The following SHISA9 variants were observed in gnomAD, a reference collection of about 807,000 sequenced individuals.
SHISA9 encodes the protein protein shisa-9.
A neutral mutation model predicts 38.0 loss-of-function variants in SHISA9; 13 were observed. The observed-to-expected ratio is 0.34, with a 90% CI of 0.22 to 0.54. The LOEUF is 0.54. Ranked by LOEUF, SHISA9 falls within the 20% of genes least tolerant of loss-of-function variation. The pLI is 0.91. For synonymous variants in SHISA9, 275 were observed against 242.0 expected (o/e 1.14, Z -1.27); for missense variants, 538 against 575.8 (o/e 0.93, Z 0.67).
At chr16:13,073,357 A>G (rs2073541565) in intron 2 of SHISA9, among the ~76,000 whole-genome samples, 1 of 151,972 alleles carries the variant, frequency 6.6e-6, no homozygotes, top group African/African-American at 2.4e-5. Flanking sequence ...GCCATCTTTC[A>G]CAGTTCTGTT....
chr16:13,464,251 C>T, the SHISA9 span, among the ~76,000 whole-genome samples: 3 of 152,156 alleles, frequency 2.0e-5, no homozygotes, highest in African/African-American at 7.2e-5. Flanking sequence ...GAATAATCAC[C>T]TCATCTGCAG....
chr16:13,249,347 C>A, the SHISA9 span, among the ~76,000 whole-genome samples: 2 of 152,182 alleles, frequency 1.3e-5, no homozygotes, highest in African/African-American at 4.8e-5. Context: ...TAGCCCATGT[C>A]ATTTTGGGCA....
the SHISA9 span, among the ~76,000 whole-genome samples, chr16:13,286,531 TATAAC>T: frequency 1.3e-5 from 2 of 152,002 alleles, no homozygotes; most frequent in African/African-American, 4.8e-5. Context: ...CTGGGCAAAA[TATAAC>T]AGCCAGTTTG....
intron 2 of SHISA9, among the ~76,000 whole-genome samples, chr16:13,095,307 G>C (rs1444254268): frequency 6.6e-6 from 1 of 152,240 alleles, no homozygotes; most frequent in Non-Finnish European, 1.5e-5. Context: ...CTCAGCTGAG[G>C]ATGCTGGGGA....
chr16:13,240,787 T>C (rs1860601836), downstream of SHISA9, among the ~76,000 whole-genome samples: 1 of 152,210 alleles, frequency 6.6e-6, no homozygotes, highest in African/African-American at 2.4e-5. Context: ...ATTGAAAGGA[T>C]GGAAGATTCG....
chr16:13,482,188 A>G, the SHISA9 span, among the ~76,000 whole-genome samples: 1 of 152,246 alleles, frequency 6.6e-6, no homozygotes, highest in Non-Finnish European at 1.5e-5. Flanking sequence ...AGAAGAGGGT[A>G]AAATGCAGTC....
At chr16:13,318,015 C>T in the SHISA9 span, among the ~76,000 whole-genome samples, 484 of 133,896 alleles carry the variant, frequency 3.6e-3, 4 homozygotes, top group Non-Finnish European at 6.4e-3. Flanking sequence ...TTTTTTTGAT[C>T]CACTATGTAC....
Position 13,075,190 on chromosome 16 carries a change from C to T in SHISA9, c.692-128204C>T, listed in dbSNP as rs143936335. On this transcript the variant is annotated intron_variant, in intron 2 of 4. Coordinates refer to ENST00000558583, the MANE Select transcript of SHISA9 (RefSeq NM_001145204.3). ...CCCAACTCCCATCTGGGAGGTAGGA[C>T]CACTGTGGAAGCAGAGCAGGGACAT... Among the ~76,000 whole-genome samples, 1,141 of 152,276 alleles carry T rather than the reference C, an allele frequency of 7.5e-3. 3 individuals are homozygous for T. The highest frequency in any genetic ancestry group is 0.02 in the Middle Eastern group (6 of 294).
chr16:13,011,081 C>T (rs1001970179), intron 2 of SHISA9, among the ~76,000 whole-genome samples: 3 of 152,154 alleles, frequency 2.0e-5, no homozygotes, highest in Non-Finnish European at 4.4e-5. Context: ...CAGCAGTGAA[C>T]CAGAGAGACT....
the SHISA9 span, among the ~76,000 whole-genome samples, chr16:13,328,523 C>T: frequency 2.0e-5 from 3 of 150,760 alleles, no homozygotes; most frequent in African/African-American, 7.3e-5. Context: ...AATGATTCTC[C>T]TGCCTCAGCC....
chr16:13,447,854 G>GA, the SHISA9 span, among the ~76,000 whole-genome samples: 1 of 152,206 alleles, frequency 6.6e-6, no homozygotes, highest in African/African-American at 2.4e-5. Flanking sequence ...AAGGTCTTCT[G>GA]AAAAAAATGC....
chr16:13,090,471 T>A (rs1003319014), intron 2 of SHISA9, among the ~76,000 whole-genome samples: 21 of 152,238 alleles, frequency 1.4e-4, no homozygotes, highest in Non-Finnish European at 2.9e-4. Flanking sequence ...ACTTGCTTTA[T>A]GAATCTGGGT....
At chr16:13,069,092 A>ATG (rs199838928) in intron 2 of SHISA9, among the ~76,000 whole-genome samples, 37 of 150,078 alleles carry the variant, frequency 2.5e-4, no homozygotes, top group Non-Finnish European at 4.4e-4. Flanking sequence ...TGCAATGTGT[A>ATG]TGTGTGTGTA....
At chr16:13,108,852 C>T (rs1265968406) in intron 2 of SHISA9, among the ~76,000 whole-genome samples, 2 of 151,964 alleles carry the variant, frequency 1.3e-5, no homozygotes, top group East Asian at 1.9e-4. Context: ...GTACAGTATC[C>T]CTAGGTATGG....
intron 2 of SHISA9, among the ~76,000 whole-genome samples, chr16:13,178,003 C>T (rs933204955): frequency 2.6e-5 from 4 of 152,132 alleles, no homozygotes; most frequent in Non-Finnish European, 4.4e-5. Context: ...GTTCCAGTCC[C>T]TGGAATGATG....
rs140278698 is a variant in SHISA9, at chr16:12,908,462, C to T, written c.563+5835C>T. ...GTAAATTCTCGTTTAATTTCATACC[C>T]TTCCCCCATGAGGTAGGCTCTATGA... On this transcript the variant is annotated intron_variant, in intron 1 of 4. Coordinates refer to ENST00000558583, the MANE Select transcript of SHISA9 (RefSeq NM_001145204.3). 49 of 1,551,834 alleles carry T rather than the reference C, an allele frequency of 3.2e-5. No individual in the cohort carries two copies. The African/African-American group carries it at 4.8e-4, about 15-fold the overall frequency.
the SHISA9 span, among the ~76,000 whole-genome samples, chr16:13,335,457 T>C: frequency 1.3e-5 from 2 of 152,156 alleles, no homozygotes; most frequent in Non-Finnish European, 2.9e-5. Flanking sequence ...TATAGTCCCT[T>C]AAACAAAGGT....
At chr16:13,250,984 G>C in the SHISA9 span, among the ~76,000 whole-genome samples, 1 of 152,158 alleles carries the variant, frequency 6.6e-6, no homozygotes, top group Non-Finnish European at 1.5e-5. Flanking sequence ...AGAAACCTGA[G>C]CTTAGTGCTG....
chr16:12,970,418 C>CATATATAT (rs2072054118), intron 2 of SHISA9, among the ~76,000 whole-genome samples: 442 of 9,546 alleles, frequency 0.046, 21 homozygotes, highest in East Asian at 0.2. Context: ...TATATATATA[C>CATATATAT]ACATATATGT....
Sources: gnomAD v4.1 joint callset for allele counts (sites outside exome capture counted in the v4.1 genomes callset) on GRCh38, gnomAD v4.1.1 for gene constraint, MANE v1.5 for transcripts, NCBI Gene and HGNC (gene_info 2026-07-23, HGNC 2026-07-21) for gene names.